Variants in PDZRN3 observed in about 807,000 individuals in gnomAD.
PDZRN3 encodes the protein E3 ubiquitin-protein ligase PDZRN3.
In PDZRN3, 38 loss-of-function variants were observed where a neutral mutation model predicts 85.7. That is an observed-to-expected ratio of 0.44 (90% CI 0.34 to 0.58). The LOEUF (loss-of-function observed/expected upper bound fraction) is 0.58. Ranked by LOEUF, PDZRN3 falls within the 20% of genes least tolerant of loss-of-function variation. The probability of loss-of-function intolerance (pLI) is 0.01; values close to 1 mark genes in which losing one functional copy is unlikely to be tolerated. For missense variants in PDZRN3, 1,629 were observed against 1,506.4 expected (o/e 1.08, Z -1.35); for synonymous variants, 759 against 638.0 (o/e 1.19, Z -2.86).
At chr3:73,540,433 T>TA (rs879648873) in intron 3 of PDZRN3, among the ~76,000 whole-genome samples, 11 of 152,190 alleles carry the variant, frequency 7.2e-5, no homozygotes, top group Non-Finnish European at 1.3e-4. Flanking sequence ...AAATGACTGT[T>TA]ACGGTTTGGC....
intron 3 of PDZRN3, among the ~76,000 whole-genome samples, chr3:73,561,017 T>C (rs1701804810): frequency 6.6e-6 from 1 of 152,166 alleles, no homozygotes; most frequent in Non-Finnish European, 1.5e-5. Flanking sequence ...GGGGAAACCA[T>C]GTAAAAATTA....
intron 3 of PDZRN3, among the ~76,000 whole-genome samples, chr3:73,525,642 C>G (rs1011848488): frequency 6.6e-6 from 1 of 152,234 alleles, no homozygotes; most frequent in African/African-American, 2.4e-5. Flanking sequence ...ACCACATGCA[C>G]TCATGATGAG....
At chr3:73,572,144 T>C (rs953787462) in intron 3 of PDZRN3, among the ~76,000 whole-genome samples, 6 of 152,202 alleles carry the variant, frequency 3.9e-5, no homozygotes, top group Non-Finnish European at 5.9e-5. Context: ...GTCATTCTTG[T>C]TTCAAATTCT....
Position 73,509,581 on chromosome 3 carries a change from T to C in PDZRN3, c.918+92773A>G, listed in dbSNP as rs763748390. Among the ~76,000 whole-genome samples, 91 of 152,296 alleles carry C rather than the reference T, an allele frequency of 6.0e-4. 1 individual carries two copies. Among genetic ancestry groups the C allele is most frequent in the African/African-American group, 2.1e-3 (89 of 41,576 alleles). On this transcript the variant is annotated intron_variant, in intron 3 of 9. Transcript: ENST00000263666. ...GTACTCAACTAACGTACTGACAAAC[T>C]AGGCTTTCAGTCTTGGAGGGCAAGA...
At chr3:73,500,402 C>A (rs1703954667) in intron 3 of PDZRN3, among the ~76,000 whole-genome samples, 1 of 152,048 alleles carries the variant, frequency 6.6e-6, no homozygotes, top group African/African-American at 2.4e-5. Context: ...TGAACTTGGC[C>A]TTTTAAAATG....
chr3:73,581,283 ACT>A (rs1367539949), intron 3 of PDZRN3, among the ~76,000 whole-genome samples: 1 of 152,220 alleles, frequency 6.6e-6, no homozygotes, highest in Non-Finnish European at 1.5e-5. Flanking sequence ...GAACATACAC[ACT>A]CAACTATGTT....
At chr3:73,455,184 T>C (rs1369568690) in intron 3 of PDZRN3, among the ~76,000 whole-genome samples, 1 of 152,202 alleles carries the variant, frequency 6.6e-6, no homozygotes, top group Non-Finnish European at 1.5e-5. Context: ...CAGATCAACA[T>C]CATCATCATC....
intron 3 of PDZRN3, among the ~76,000 whole-genome samples, chr3:73,478,243 G>A (rs531220725): frequency 3.3e-5 from 5 of 152,204 alleles, no homozygotes; most frequent in African/African-American, 1.2e-4. Context: ...AGGGAGAGGT[G>A]GGTGAGTGAG....
intron 1 of PDZRN3, among the ~76,000 whole-genome samples, chr3:73,616,474 G>T (rs939057139): frequency 6.6e-6 from 1 of 152,144 alleles, no homozygotes; most frequent in Non-Finnish European, 1.5e-5. Flanking sequence ...ATAAGCTTTA[G>T]CCCTCCACCT....
At chr3:73,462,326 G>A (rs1305486098) in intron 3 of PDZRN3, among the ~76,000 whole-genome samples, 1 of 152,036 alleles carries the variant, frequency 6.6e-6, no homozygotes, top group African/African-American at 2.4e-5. Context: ...GGCAGATCAC[G>A]AGGTCAGGAG....
At chr3:73,498,926 C>T (rs2106679607) in intron 3 of PDZRN3, among the ~76,000 whole-genome samples, 1 of 152,256 alleles carries the variant, frequency 6.6e-6, no homozygotes, top group Admixed American at 6.5e-5. Context: ...GACCCAGATG[C>T]TGGCTGTGCG....
intron 3 of PDZRN3, among the ~76,000 whole-genome samples, chr3:73,521,423 C>T (rs765161920): frequency 2.0e-5 from 3 of 152,122 alleles, no homozygotes; most frequent in Non-Finnish European, 2.9e-5. Context: ...AGATGCTGGG[C>T]TCGCTCGCTG....
At chr3:73,593,062 T>G (rs111339232) in intron 3 of PDZRN3, among the ~76,000 whole-genome samples, 432 of 151,436 alleles carry the variant, frequency 2.9e-3, no homozygotes, top group African/African-American at 0.01. Flanking sequence ...CTTTTTGTGT[T>G]ACAGCAACAG....
chr3:73,571,311 G>A (rs946452888), intron 3 of PDZRN3, among the ~76,000 whole-genome samples: 3 of 152,138 alleles, frequency 2.0e-5, no homozygotes, highest in Admixed American at 6.5e-5. Context: ...CCACACTCCC[G>A]CTATTCAGTA....
chr3:73,593,723 C>T (rs939643196), intron 3 of PDZRN3, among the ~76,000 whole-genome samples: 29 of 148,494 alleles, frequency 2.0e-4, no homozygotes, highest in African/African-American at 6.2e-4. Flanking sequence ...CACACACACA[C>T]ACACACACAC....
At position 73,481,065 on chromosome 3, in the gene PDZRN3, T is replaced by G. The variant is rs1020894664; in HGVS notation, c.919-76670A>C. On this transcript the variant is annotated intron_variant, in intron 3 of 9. Coordinates refer to ENST00000263666, the MANE Select transcript of PDZRN3 (RefSeq NM_015009.3). Reference sequence around the variant, plus strand: ...ATTGCCCACAGTCATGTTTAGTAAATGGCAGAGTTGCAATGTGGCCCCAGC... The same window carrying G: ...ATTGCCCACAGTCATGTTTAGTAAAGGGCAGAGTTGCAATGTGGCCCCAGC... Among the ~76,000 whole-genome samples the G allele has an allele frequency of 2.0e-5, 3 of 152,340 alleles. 1 individual carries two copies. The East Asian group carries it at 5.8e-4, about 29-fold the overall frequency.
intron 3 of PDZRN3, among the ~76,000 whole-genome samples, chr3:73,421,376 A>G (rs1702199377): frequency 6.6e-6 from 1 of 152,154 alleles, no homozygotes; most frequent in African/African-American, 2.4e-5. Flanking sequence ...CCCTTTTACA[A>G]CTGAGGCTCT....
chr3:73,503,884 G>C (rs888306815), intron 3 of PDZRN3, among the ~76,000 whole-genome samples: 1 of 152,158 alleles, frequency 6.6e-6, no homozygotes, highest in Non-Finnish European at 1.5e-5. Context: ...AAGCAAGAGT[G>C]GGGAGGGGGA....
At chr3:73,517,331 G>C (rs1418032728) in intron 3 of PDZRN3, among the ~76,000 whole-genome samples, 1 of 152,158 alleles carries the variant, frequency 6.6e-6, no homozygotes, top group Non-Finnish European at 1.5e-5. Context: ...AGTTTGCCAA[G>C]GATTTTCCAA....
Sources: gnomAD v4.1 joint callset for allele counts (sites outside exome capture counted in the v4.1 genomes callset) on GRCh38, gnomAD v4.1.1 for gene constraint, MANE v1.5 for transcripts, NCBI Gene and HGNC (gene_info 2026-07-23, HGNC 2026-07-21) for gene names.